ADGRL2: variants seen among roughly 807,000 people sequenced by gnomAD.
The protein encoded by ADGRL2 is adhesion G protein-coupled receptor L2.
A neutral mutation model predicts 157.4 loss-of-function variants in ADGRL2; 44 were observed. The observed-to-expected ratio is 0.28, with a 90% confidence interval of 0.22 to 0.36. The LOEUF (loss-of-function observed/expected upper bound fraction) is 0.36, where lower values mean the gene tolerates loss of function less well. Ranked by LOEUF, ADGRL2 falls within the 10% of genes least tolerant of loss-of-function variation. The probability of loss-of-function intolerance (pLI) is 1.00; values close to 1 mark genes in which losing one functional copy is unlikely to be tolerated. For missense variants in ADGRL2, 1,510 were observed against 1,768.9 expected (o/e 0.85, Z 2.63); for synonymous variants, 585 against 624.7 (o/e 0.94, Z 0.95).
At chr1:81,521,214 G>T (rs2148164336) in intron 2 of ADGRL2, among the ~76,000 whole-genome samples, 1 of 152,286 alleles carries the variant, frequency 6.6e-6, no homozygotes. Flanking sequence ...TGACTTTAAA[G>T]CTATGCACTT....
rs150169325 is a variant in ADGRL2 at position 81,356,907 on chromosome 1, C to T, written c.-302+50398C>T. 9.4e-3 allele frequency among the ~76,000 whole-genome samples: 1,242 copies of T among 132,270 alleles called. 17 individuals carry two copies. Among genetic ancestry groups the T allele is most frequent in the African/African-American group, 0.033 (1,167 of 35,302 alleles). 86.8% of individuals were successfully genotyped at this position (132,270 alleles called of 152,430 possible). A position where few individuals can be genotyped will look rare whatever the true frequency, so the allele number is the denominator to read the frequency against. ...GGCGGAGCTTGCAGTGAGCAGAGATCGCGCCACTGCACTCCAGCCTGGGGG... is the reference window on the plus strand; with the variant it reads ...GGCGGAGCTTGCAGTGAGCAGAGATTGCGCCACTGCACTCCAGCCTGGGGG... On this transcript the variant is annotated intron_variant, in intron 1 of 24. Transcript: ENST00000370721.
At position 81,475,590 on chromosome 1, in the gene ADGRL2, C is replaced by T. The variant is rs550504378; in HGVS notation, c.-248+30501C>T. 2.0e-5 allele frequency among the ~76,000 whole-genome samples: 3 copies of T among 152,266 alleles called. No homozygotes were observed. The South Asian group carries it at 6.2e-4, about 32-fold the overall frequency. On this transcript the variant is annotated intron_variant, in intron 2 of 24. Coordinates refer to the ADGRL2 transcript ENST00000370721. ...TTTGATGGATGAGGGAAAAAGAATGCTAAAACCTTTAATAATTTTGTAAAT... is the reference window on the plus strand; with the variant it reads ...TTTGATGGATGAGGGAAAAAGAATGTTAAAACCTTTAATAATTTTGTAAAT...
intron 2 of ADGRL2, among the ~76,000 whole-genome samples, chr1:81,887,614 C>G (rs190458493): frequency 6.6e-6 from 1 of 152,284 alleles, no homozygotes; most frequent in Non-Finnish European, 1.5e-5. Context: ...TCCTAAAAAT[C>G]TCTCCCAGTT....
chr1:81,723,088 A>G, intron 1 of ADGRL2: 1 of 707,686 alleles, frequency 1.4e-6, no homozygotes. Context: ...TCTGATAAAT[A>G]AAGCCCTTGC....
intron 17 of ADGRL2, among the ~76,000 whole-genome samples, chr1:81,973,390 C>T (rs1421185627): frequency 1.3e-5 from 2 of 152,168 alleles, no homozygotes; most frequent in Admixed American, 6.5e-5. Context: ...TCCTTGAAGA[C>T]ATAACCTTCC....
At chr1:81,405,840 T>A (rs2076844798) in intron 1 of ADGRL2, among the ~76,000 whole-genome samples, 1 of 152,126 alleles carries the variant, frequency 6.6e-6, no homozygotes, top group Non-Finnish European at 1.5e-5. Flanking sequence ...TTTTTATACA[T>A]AATGCCTATA....
intron 3 of ADGRL2, among the ~76,000 whole-genome samples, chr1:81,924,335 C>T (rs2095055863): frequency 6.6e-6 from 1 of 152,112 alleles, no homozygotes; most frequent in Admixed American, 6.6e-5. Flanking sequence ...AGAGATAGTT[C>T]AAGAACTGTA....
chr1:81,523,068 C>A (rs2079362248), intron 2 of ADGRL2, among the ~76,000 whole-genome samples: 1 of 151,592 alleles, frequency 6.6e-6, no homozygotes, highest in African/African-American at 2.4e-5. Context: ...AAAAAATTAA[C>A]AAAAATATGA....
intron 1 of ADGRL2, among the ~76,000 whole-genome samples, chr1:81,761,005 G>A (rs1401321798): frequency 1.3e-5 from 2 of 151,724 alleles, no homozygotes; most frequent in Non-Finnish European, 2.9e-5. Flanking sequence ...GAGAAAAATT[G>A]TCTAAAAAAG....
At position 81,992,190 on chromosome 1, in the gene ADGRL2, CT is replaced by C. The variant is rs1314180960; in HGVS notation, c.*1051del. 6.6e-6 allele frequency: 1 copy of C among 152,394 alleles called. No individual in the cohort carries two copies. Among genetic ancestry groups the C allele is most frequent in the Non-Finnish European group, 1.5e-5 (1 of 67,986 alleles). The allele number at this position is 152,394 out of a possible 1,614,324, so 9.4% of individuals were successfully genotyped here. On this transcript the variant is annotated 3_prime_UTR_variant, in exon 24 of 24. Transcript: ENST00000686636. ...TTCTAGTGAACAAAAGGTGCCTATT[CT>C]TTTTTAAAAAAATAAAATAAAACAT...
chr1:81,630,764 T>A (rs2081996527), intron 3 of ADGRL2, among the ~76,000 whole-genome samples: 1 of 152,178 alleles, frequency 6.6e-6, no homozygotes, highest in Non-Finnish European at 1.5e-5. Flanking sequence ...AAGTTTGCAA[T>A]CATAAAAATA....
At chr1:81,898,944 T>G (rs2094441391) in intron 2 of ADGRL2, among the ~76,000 whole-genome samples, 1 of 152,038 alleles carries the variant, frequency 6.6e-6, no homozygotes, top group South Asian at 2.1e-4. Context: ...ATGGCTTGAG[T>G]TAATGTTTCA....
At chr1:81,465,295 T>A (rs1328534258) in intron 2 of ADGRL2, among the ~76,000 whole-genome samples, 1 of 152,176 alleles carries the variant, frequency 6.6e-6, no homozygotes, top group African/African-American at 2.4e-5. Context: ...ATTTTGAGAA[T>A]GCTTGTGTAT....
intron 1 of ADGRL2, among the ~76,000 whole-genome samples, chr1:81,742,789 T>A (rs536848956): frequency 6.6e-6 from 1 of 152,194 alleles, no homozygotes; most frequent in African/African-American, 2.4e-5. Context: ...TTTTTGTATT[T>A]AATTATTAAT....
At chr1:81,350,579 C>A (rs974840197) in intron 1 of ADGRL2, among the ~76,000 whole-genome samples, 64 of 152,138 alleles carry the variant, frequency 4.2e-4, no homozygotes, top group Non-Finnish European at 7.5e-4. Flanking sequence ...AGAGGGAATT[C>A]CTTCAGAACT....
At position 81,538,801 on chromosome 1, in the gene ADGRL2, T is replaced by C. The variant is rs1377965509; in HGVS notation, c.-247-42075T>C. Reference sequence around the variant, plus strand: ...GGGCAGATTGCTTGAGCTCAGGAGTTCAAGACCAGCCTTGGCAACATGACA... The same window carrying C: ...GGGCAGATTGCTTGAGCTCAGGAGTCCAAGACCAGCCTTGGCAACATGACA... On this transcript the variant is annotated intron_variant, in intron 2 of 24. Coordinates refer to the ADGRL2 transcript ENST00000370721. Among the ~76,000 whole-genome samples the C allele has an allele frequency of 2.6e-5, 4 of 152,052 alleles. No homozygotes were observed. The East Asian group carries it at 7.8e-4, about 30-fold the overall frequency.
chr1:81,405,874 T>C (rs1432087754), intron 1 of ADGRL2, among the ~76,000 whole-genome samples: 1 of 152,140 alleles, frequency 6.6e-6, no homozygotes, highest in African/African-American at 2.4e-5. Flanking sequence ...GAATATTTCA[T>C]TTCCTTTTAA....
chr1:81,530,479 C>T (rs1045850658), intron 2 of ADGRL2, among the ~76,000 whole-genome samples: 1 of 152,028 alleles, frequency 6.6e-6, no homozygotes, highest in Non-Finnish European at 1.5e-5. Flanking sequence ...ACCTGAGTAG[C>T]TGGGACCACA....
chr1:81,505,482 C>T (rs888585058), intron 2 of ADGRL2, among the ~76,000 whole-genome samples: 3 of 150,662 alleles, frequency 2.0e-5, no homozygotes, highest in Non-Finnish European at 4.4e-5. Flanking sequence ...CCAGGCAGCT[C>T]GCCTGGCCAC....
Sources: allele counts gnomAD v4.1 joint callset (sites outside exome capture counted in the v4.1 genomes callset), GRCh38; gene constraint gnomAD v4.1.1; transcripts MANE v1.5; gene names NCBI Gene and HGNC (gene_info 2026-07-23, HGNC 2026-07-21).